DLG2: variants seen among roughly 807,000 people sequenced by gnomAD.
DLG2 encodes the protein disks large homolog 2.
DLG2 carries 45 observed loss-of-function variants against 132.5 expected under a neutral mutation model. The ratio of observed to expected loss-of-function variants is 0.34; its 90% CI spans 0.27 to 0.44. The LOEUF is 0.44. Among genes scored for constraint, DLG2 ranks in the 20% least tolerant of loss-of-function variants. DLG2 has a pLI of 1.00. For missense variants in DLG2, 1,045 were observed against 1,196.9 expected (o/e 0.87, Z 1.87); for synonymous variants, 424 against 419.6 (o/e 1.01, Z -0.13).
intron 6 of DLG2, among the ~76,000 whole-genome samples, chr11:85,061,528 T>A (rs1356112401): frequency 6.6e-6 from 1 of 151,758 alleles, no homozygotes; most frequent in Non-Finnish European, 1.5e-5. Flanking sequence ...AAGGGATGTG[T>A]CAGTCAAGGC....
At chr11:84,234,261 A>C (rs1448995156) in intron 8 of DLG2, among the ~76,000 whole-genome samples, 1 of 152,216 alleles carries the variant, frequency 6.6e-6, no homozygotes, top group Non-Finnish European at 1.5e-5. Context: ...CCACTTGGCC[A>C]GCCTCCAAGT....
intron 6 of DLG2, among the ~76,000 whole-genome samples, chr11:85,100,840 A>G (rs180860070): frequency 1.3e-5 from 2 of 152,284 alleles, no homozygotes; most frequent in Admixed American, 1.3e-4. Context: ...AGAACTGTCA[A>G]AGAAAGAGAG....
chr11:85,047,531 G>A (rs897527837), intron 6 of DLG2, among the ~76,000 whole-genome samples: 1 of 151,792 alleles, frequency 6.6e-6, no homozygotes, highest in African/African-American at 2.4e-5. Context: ...CAATGAACAT[G>A]TGGGCCATTT....
At chr11:83,710,465 T>C (rs1430802513) in intron 18 of DLG2, among the ~76,000 whole-genome samples, 4 of 152,162 alleles carry the variant, frequency 2.6e-5, no homozygotes, top group African/African-American at 9.7e-5. Context: ...CCTGGCCAGA[T>C]ACTTTTCATC....
intron 6 of DLG2, among the ~76,000 whole-genome samples, chr11:84,854,119 C>T (rs976599934): frequency 2.0e-5 from 3 of 151,942 alleles, no homozygotes; most frequent in Non-Finnish European, 4.4e-5. Flanking sequence ...GGGTTCCAGC[C>T]TAGTTCCCAC....
chr11:83,596,925 C>T (rs1377806778), intron 19 of DLG2, among the ~76,000 whole-genome samples: 8 of 152,078 alleles, frequency 5.3e-5, no homozygotes, highest in Non-Finnish European at 1.2e-4. Context: ...TCTCTCAGTT[C>T]TCATAGCTTT....
At chr11:84,347,341 A>T (rs1376054330) in intron 7 of DLG2, among the ~76,000 whole-genome samples, 1 of 152,052 alleles carries the variant, frequency 6.6e-6, no homozygotes, top group Non-Finnish European at 1.5e-5. Context: ...ATTTACTTGG[A>T]TTTTCCATTG....
chr11:84,582,378 A>C (rs2099518605), intron 6 of DLG2, among the ~76,000 whole-genome samples: 1 of 149,598 alleles, frequency 6.7e-6, no homozygotes. Context: ...CATTAGGACT[A>C]TATATATATT....
intron 7 of DLG2, among the ~76,000 whole-genome samples, chr11:84,322,000 T>C (rs553204123): frequency 6.6e-6 from 1 of 152,294 alleles, no homozygotes; most frequent in South Asian, 2.1e-4. Flanking sequence ...CACTATAACT[T>C]AGTTTGTACC....
At chr11:83,854,094 C>T (rs1204471384) in intron 16 of DLG2, among the ~76,000 whole-genome samples, 4 of 151,824 alleles carry the variant, frequency 2.6e-5, no homozygotes, top group South Asian at 2.1e-4. Flanking sequence ...GATGAAAAAG[C>T]GAAAACTGAA....
intron 6 of DLG2, among the ~76,000 whole-genome samples, chr11:85,089,181 T>A (rs150975424): frequency 1.6e-4 from 25 of 152,282 alleles, no homozygotes; most frequent in African/African-American, 5.3e-4. Flanking sequence ...GTATGTTACA[T>A]GCATATATTG....
intron 3 of DLG2, among the ~76,000 whole-genome samples, chr11:85,471,603 A>C (rs58023565): frequency 0.034 from 5,208 of 152,270 alleles, 284 homozygotes; most frequent in African/African-American, 0.12. Context: ...AGCTGTTAGG[A>C]AACACTAAAG....
At chr11:84,365,762 G>T (rs185375878) in intron 7 of DLG2, among the ~76,000 whole-genome samples, 2 of 151,620 alleles carry the variant, frequency 1.3e-5, no homozygotes, top group East Asian at 3.9e-4. Context: ...CCTTCCTTTC[G>T]TTATGTACCC....
At chr11:83,748,441 C>G (rs1373405480) in intron 18 of DLG2, among the ~76,000 whole-genome samples, 2 of 152,210 alleles carry the variant, frequency 1.3e-5, no homozygotes, top group African/African-American at 4.8e-5. Context: ...CACTCTTACT[C>G]TAATAAGCCT....
At chr11:84,117,557 C>T (rs764059041) in intron 9 of DLG2, among the ~76,000 whole-genome samples, 7 of 152,118 alleles carry the variant, frequency 4.6e-5, no homozygotes, top group Non-Finnish European at 7.4e-5. Context: ...TGTATCTAAA[C>T]GTGGTTTAAG....
rs2089263772 is a variant in DLG2 at position 83,457,949 on chromosome 11, GCAGA to G, written c.*1865_*1868del. On this transcript the variant is annotated 3_prime_UTR_variant, in exon 28 of 28. Coordinates refer to ENST00000376104, the MANE Select transcript of DLG2 (RefSeq NM_001142699.3). ...GTTTTGTTTTGGTGACTGTAGCCAGGCAGACAATGATGTTTAGCGTAAGATGAAC... is the reference window on the plus strand; with the variant it reads ...GTTTTGTTTTGGTGACTGTAGCCAGGCAATGATGTTTAGCGTAAGATGAAC... 1 of 152,602 alleles carries G rather than the reference GCAGA, an allele frequency of 6.6e-6. No individual in the cohort carries two copies. Among genetic ancestry groups the G allele is most frequent in the Non-Finnish European group, 1.5e-5 (1 of 68,028 alleles). 9.5% of individuals were successfully genotyped at this position (152,602 alleles called of 1,614,324 possible).
chr11:85,089,541 C>A (rs2068439868), intron 6 of DLG2, among the ~76,000 whole-genome samples: 1 of 152,096 alleles, frequency 6.6e-6, no homozygotes, highest in Non-Finnish European at 1.5e-5. Context: ...TGATGGACAC[C>A]TAGGTGGATT....
At chr11:84,014,854 T>C (rs1419295000) in intron 11 of DLG2, among the ~76,000 whole-genome samples, 1 of 151,880 alleles carries the variant, frequency 6.6e-6, no homozygotes, top group African/African-American at 2.4e-5. Flanking sequence ...TTTTTCTGTA[T>C]AATTAGTTTT....
chr11:83,499,515 G>A (rs1432049), intron 21 of DLG2, among the ~76,000 whole-genome samples: 10 of 151,334 alleles, frequency 6.6e-5, no homozygotes, highest in East Asian at 5.9e-4. Flanking sequence ...TAATCTGTAC[G>A]AATTGACATT....
Sources: gnomAD v4.1 joint callset for allele counts (sites outside exome capture counted in the v4.1 genomes callset) on GRCh38, gnomAD v4.1.1 for gene constraint, MANE v1.5 for transcripts, NCBI Gene and HGNC (gene_info 2026-07-23, HGNC 2026-07-21) for gene names.